PSD: variants seen among roughly 807,000 people sequenced by gnomAD.
The protein encoded by PSD is pleckstrin and Sec7 domain containing, also known as PH and SEC7 domain-containing protein 1.
Under a neutral mutation model 91.6 loss-of-function variants are expected in PSD, and 32 were observed. The observed-to-expected ratio is 0.35, with a 90% CI of 0.26 to 0.47. The LOEUF (loss-of-function observed/expected upper bound fraction) is 0.47, where lower values mean the gene tolerates loss of function less well. Ranked by LOEUF, PSD falls within the 20% of genes least tolerant of loss-of-function variation. The pLI is 1.00. For missense variants in PSD, 1,099 were observed against 1,373.9 expected (o/e 0.80, Z 3.16); for synonymous variants, 532 against 569.3 (o/e 0.93, Z 0.93).
rs2061419433 is a variant in PSD, at chr10:102,410,993, T to C, written c.2002-46A>G. The C allele has an allele frequency of 3.1e-6, 5 of 1,612,826 alleles. No homozygotes were observed. The highest frequency in any genetic ancestry group is 3.4e-6 in the Non-Finnish European group (4 of 1,178,850). On this transcript the variant is annotated intron_variant, in intron 9 of 16. Transcript: ENST00000020673. The surrounding 1 kb of genome is among the most constrained non-coding windows in gnomAD (Gnocchi z 6.0). ...CTGTGAGTTTGGAGGGCCCTTGGCC[T>C]CCCAGGTCCTGCATGTCTGGCCAGG...
Position 102,416,256 on chromosome 10 carries a change from G to T in PSD, c.654+129C>A. ...CAGAGACACAGAGACAAACACAGAGGGCAAGAGAGAGGCAGATTTAGAACA... is the reference window on the plus strand; with the variant it reads ...CAGAGACACAGAGACAAACACAGAGTGCAAGAGAGAGGCAGATTTAGAACA... On this transcript the variant is annotated intron_variant, in intron 2 of 16. Transcript: ENST00000020673. The surrounding 1 kb of genome is among the most constrained non-coding windows in gnomAD (Gnocchi z 6.0). The T allele has an allele frequency of 7.9e-7, 1 of 1,264,486 alleles. No individual in the cohort carries two copies. The highest frequency in any genetic ancestry group is 1.1e-6 in the Non-Finnish European group (1 of 903,562). 78.3% of individuals were successfully genotyped at this position (1,264,486 alleles called of 1,614,324 possible).
chr10:102,405,016 G>A lies in PSD; in HGVS notation c.2437C>T (p.Leu813Phe), dbSNP rs776524559. The change falls in exon 14 of 17, where the codon CTC becomes TTC. Residue 813 changes from leucine (L) to phenylalanine (F), a missense_variant. Coordinates refer to ENST00000020673, the MANE Select transcript of PSD (RefSeq NM_002779.5). The surrounding 1 kb of genome is among the most constrained non-coding windows in gnomAD (Gnocchi z 5.4). ...KPGKALSETE[L>F]KNAISIHHAL... ...TGGTGGATGCTGATGGCATTCTTGA[G>A]CTCCGTCTCTGAAAGGGCCTTCCCA... The A allele has an allele frequency of 6.2e-7, 1 of 1,614,086 alleles. No homozygotes were observed. Among genetic ancestry groups the A allele is most frequent in the Non-Finnish European group, 8.5e-7 (1 of 1,179,974 alleles).
At chr10:102,408,886 C>A (rs1434233914) in intron 10 of PSD, 8 of 987,072 alleles carry the variant, frequency 8.1e-6, no homozygotes, top group Non-Finnish European at 9.6e-6. Flanking sequence ...GCGGCCCCAA[C>A]GCCCTCACCG....
rs201335911 is a variant in PSD at position 102,415,042 on chromosome 10, G to C, written c.945C>G (p.Ile315Met). The C allele has an allele frequency of 6.2e-7, 1 of 1,613,884 alleles. No homozygotes were observed. Among genetic ancestry groups the C allele is most frequent in the Non-Finnish European group, 8.5e-7 (1 of 1,179,892 alleles). ...GGCCCTCAGAGCTGGGCTGACTTTCGATGGCCGAGTCGGCCTCCTCCCGCT... is the reference window on the plus strand; with the variant it reads ...GGCCCTCAGAGCTGGGCTGACTTTCCATGGCCGAGTCGGCCTCCTCCCGCT... The part of the protein sequence containing the change: ...LAEREEADSA[I>M]ESQPSSEGPP... The change falls in exon 4 of 17, where the codon ATC (isoleucine) becomes ATG (methionine). Residue 315 changes from isoleucine to methionine, a missense_variant. Around this residue, in one of 3 missense-constraint regions of PSD, gnomAD observed 631 missense variants for 728.8 expected, o/e 0.87. Coordinates refer to ENST00000020673, the MANE Select transcript of PSD (RefSeq NM_002779.5).
Position 102,411,046 on chromosome 10 carries a change from G to A in PSD, c.2001+12C>T, listed in dbSNP as rs1170798562. The A allele has an allele frequency of 6.2e-7, 1 of 1,612,642 alleles. No homozygotes were observed. The highest frequency in any genetic ancestry group is 8.5e-7 in the Non-Finnish European group (1 of 1,179,014). ...TTTGTTTTCCGGCTCCTGCCCGCCC[G>A]CCTCCACTCACATGGCCGTGGAGAT... is the stretch of plus-strand genomic sequence containing the variant. On this transcript the variant is annotated intron_variant, in intron 9 of 16. Coordinates refer to ENST00000020673, the MANE Select transcript of PSD (RefSeq NM_002779.5).
At chr10:102,407,679 C>T (rs2061377887) in intron 10 of PSD, among the ~76,000 whole-genome samples, 1 of 152,188 alleles carries the variant, frequency 6.6e-6, no homozygotes, top group Non-Finnish European at 1.5e-5. Flanking sequence ...ACCACGCGCT[C>T]TGGCCTGTTT....
At chr10:102,406,735 G>A (rs1012164811) in intron 11 of PSD, among the ~76,000 whole-genome samples, 1 of 152,200 alleles carries the variant, frequency 6.6e-6, no homozygotes, top group Admixed American at 6.5e-5. Flanking sequence ...TTGATCTCCT[G>A]ACCTCGTGAT....
chr10:102,413,186 C>T (rs1425447667), intron 5 of PSD, among the ~76,000 whole-genome samples: 1 of 152,190 alleles, frequency 6.6e-6, no homozygotes, highest in African/African-American at 2.4e-5. Context: ...ACCTGTCAGC[C>T]CAGAGACAGA....
chr10:102,417,251 G>A lies in PSD; in HGVS notation c.-83-130C>T, dbSNP rs2061491917. On this transcript the variant is annotated intron_variant, in intron 1 of 16. Transcript: ENST00000020673. ...GACCTAGCACACCCTGGTAATATGG[G>A]ATCATTGATCCCACGCCTGGGGACT... 19 of 546,168 alleles carry A rather than the reference G, an allele frequency of 3.5e-5. No individual in the cohort carries two copies. In the South Asian group the frequency reaches 4.1e-4, roughly 12 times the overall value. The allele number at this position is 546,168 out of a possible 1,614,324, so 33.8% of individuals were successfully genotyped here.
At position 102,405,175 on chromosome 10, in the gene PSD, C is replaced by T. The variant is rs2061345618; in HGVS notation, c.2397+8G>A. The T allele has an allele frequency of 5.6e-6, 9 of 1,610,942 alleles. No individual in the cohort carries two copies. The highest frequency in any genetic ancestry group is 7.6e-6 in the Non-Finnish European group (9 of 1,179,800). On this transcript the variant is annotated splice_region_variant and intron_variant, in intron 13 of 16. Transcript: ENST00000020673. This position sits in a 1 kb window ranked among gnomAD's most constrained non-coding sequence, Gnocchi z 5.4. ...TCCCAGCCCCAGCCCCCTGGCCTGA[C>T]CCCGCACCTTCTGCAGGTAGAGGAT...
intron 10 of PSD, among the ~76,000 whole-genome samples, chr10:102,408,327 C>A (rs1355384322): frequency 6.6e-6 from 1 of 152,202 alleles, no homozygotes; most frequent in African/African-American, 2.4e-5. Context: ...ACAGCCATGC[C>A]CAGCCACAAG....
Position 102,418,773 on chromosome 10 carries a change from G to T in PSD, c.-156C>A, listed in dbSNP as rs1467150044. ...GGCCCAGCTGAGCTGTGAAGGCAGC[G>T]CGGCTCCCGTTTGCTCCAGGCCCGC... On this transcript the variant is annotated 5_prime_UTR_variant, in exon 1 of 17. Transcript: ENST00000020673. 2.2e-6 allele frequency: 1 copy of T among 455,490 alleles called. No individual in the cohort carries two copies. The highest frequency in any genetic ancestry group is 2.4e-5 in the Admixed American group (1 of 42,548). The allele number at this position is 455,490 out of a possible 1,614,324, so 28.2% of individuals were successfully genotyped here.
chr10:102,417,212 C>T, intron 1 of PSD, 91 bp from the exon 2 acceptor site: 1 of 582,896 alleles, frequency 1.7e-6, no homozygotes, highest in Non-Finnish European at 3.0e-6. Context: ...TGGCTAGGGC[C>T]TCTGAGTATC....
intron 5 of PSD, among the ~76,000 whole-genome samples, chr10:102,412,935 T>G (rs1281836008): frequency 2.6e-5 from 4 of 152,122 alleles, no homozygotes; most frequent in Non-Finnish European, 4.4e-5. Flanking sequence ...TGGACAAAGC[T>G]GGAATAGATG....
Position 102,403,251 on chromosome 10 carries a change from A to T in PSD, c.3024T>A (p.Arg1008=). The T allele has an allele frequency of 6.2e-7, 1 of 1,606,652 alleles. No homozygotes were observed. The highest frequency in any genetic ancestry group is 8.5e-7 in the Non-Finnish European group (1 of 1,175,242). ...CCCCTGGCCGAGGCTCTGAGCTGTG[A>T]CGCTGAGCCCGGGGCTGGCTGGAGG... The part of the protein sequence containing the change: ...PKPSSQPRAQ[R]HSSEPRPGAG... Residue 1008 remains arginine, a synonymous_variant, in exon 17 of 17, where the codon CGT becomes CGA. Transcript: ENST00000020673. This position sits in a 1 kb window ranked among gnomAD's most constrained non-coding sequence, Gnocchi z 6.7.
Position 102,411,774 on chromosome 10 carries a change from T to C in PSD, c.1875A>G (p.Arg625=), listed in dbSNP as rs1198828119. 6.2e-7 allele frequency: 1 copy of C among 1,613,788 alleles called. No individual in the cohort carries two copies. Among genetic ancestry groups the C allele is most frequent in the South Asian group, 1.1e-5 (1 of 90,992 alleles). Residue 625 remains arginine (R), a synonymous_variant, in exon 8 of 17, where the codon CGA becomes CGG. Transcript: ENST00000020673. ...ELALMGETQE[R]ERVLAHFSQR... is the part of the protein sequence containing the mutation. ...GGGAGAAGTGGGCCAGCACGCGCTC[T>C]CGTTCCTGGGTCTCACCCATTAAGG...
intron 3 of PSD, 68 bp from the exon 4 acceptor site, chr10:102,415,297 A>G: frequency 6.7e-7 from 1 of 1,498,956 alleles, no homozygotes; most frequent in Non-Finnish European, 8.9e-7. Flanking sequence ...ATTCTGCTCT[A>G]GGATCTCTGC....
intron 10 of PSD, among the ~76,000 whole-genome samples, chr10:102,408,412 C>T (rs533989140): frequency 1.3e-5 from 2 of 152,276 alleles, no homozygotes; most frequent in South Asian, 2.1e-4. Context: ...CAGCCTCCAA[C>T]CCCCACTCCA....
chr10:102,413,818 G>A lies in PSD; in HGVS notation c.1504C>T (p.Pro502Ser), dbSNP rs148786641. The change falls in exon 5 of 17, where the codon CCC (proline) becomes TCC (serine). Residue 502 changes from proline to serine, a missense_variant. This residue lies in a region of PSD where 631 missense variants were observed against 728.8 expected (regional missense o/e 0.87). Coordinates refer to ENST00000020673, the MANE Select transcript of PSD (RefSeq NM_002779.5). ...CCAAGGCTGTCCTCTGAGTGGCAGG[G>A]ACTAGGGGGCTCCCTCCCTGGGGCC... ...KLAPGREPPS[P>S]CHSEDSLGLG... 1.3e-5 allele frequency: 21 copies of A among 1,613,952 alleles called. No individual in the cohort carries two copies. In the African/African-American group the frequency reaches 2.5e-4, roughly 19 times the overall value.
Sources: gnomAD v4.1 joint callset for allele counts (sites outside exome capture counted in the v4.1 genomes callset) on GRCh38, gnomAD v4.1.1 for gene constraint, gnomAD v4.1.1 regional missense constraint, Gnocchi (gnomAD v3.1) non-coding constraint, MANE v1.5 for transcripts, NCBI Gene and HGNC (gene_info 2026-07-23, HGNC 2026-07-21) for gene names.